RARB: variants seen among roughly 807,000 people sequenced by gnomAD.
RARB encodes HBV-activated protein.
Under a neutral mutation model 51.9 loss-of-function variants are expected in RARB, and 17 were observed. The ratio of observed to expected loss-of-function variants is 0.33; its 90% CI spans 0.22 to 0.49. The LOEUF is 0.49. Ranked by LOEUF, RARB falls within the 20% of genes least tolerant of loss-of-function variation. The pLI is 0.99. For missense variants in RARB, 369 were observed against 550.8 expected (o/e 0.67, Z 3.30); for synonymous variants, 215 against 195.4 (o/e 1.10, Z -0.84).
chr3:25,149,015 A>G (rs374492280), intron 4 of RARB, among the ~76,000 whole-genome samples: 10 of 152,166 alleles, frequency 6.6e-5, no homozygotes, highest in Non-Finnish European at 1.5e-5. Context: ...TTTTACTTTG[A>G]TATGCTAAGG....
At chr3:24,835,719 A>G (rs941836064) in intron 1 of RARB, among the ~76,000 whole-genome samples, 7 of 152,190 alleles carry the variant, frequency 4.6e-5, no homozygotes, top group Non-Finnish European at 1.0e-4. Context: ...GCCAGGTTCT[A>G]TATCTATGAA....
chr3:25,481,075 A>G, intron 2 of RARB, among the ~76,000 whole-genome samples: 1 of 152,214 alleles, frequency 6.6e-6, no homozygotes, highest in East Asian at 1.9e-4. Flanking sequence ...ATATTTCAAG[A>G]GAATTCCTCT....
intron 5 of RARB, among the ~76,000 whole-genome samples, chr3:25,249,975 T>A: frequency 1.4e-5 from 1 of 69,402 alleles, no homozygotes. Flanking sequence ...GTAACAGTGG[T>A]GGGCTCGGTG....
chr3:25,259,877 C>T, intron 5 of RARB: 1 of 979,656 alleles, frequency 1.0e-6, no homozygotes, highest in South Asian at 4.7e-5. Context: ...GAGATTTGAG[C>T]TTCTTTCCTG....
At chr3:25,481,147 A>AT (rs1696204592) in intron 2 of RARB, among the ~76,000 whole-genome samples, 1 of 152,186 alleles carries the variant, frequency 6.6e-6, no homozygotes, top group Non-Finnish European at 1.5e-5. Context: ...TTCACTACTA[A>AT]AAACCACTCA....
chr3:25,080,950 T>C (rs73141452), intron 3 of RARB, among the ~76,000 whole-genome samples: 5 of 152,070 alleles, frequency 3.3e-5, no homozygotes, highest in Non-Finnish European at 7.4e-5. Context: ...AAACTTTTGA[T>C]TTTGTTGATG....
intron 2 of RARB, among the ~76,000 whole-genome samples, chr3:24,918,744 A>G (rs770645096): frequency 7.9e-5 from 12 of 152,156 alleles, no homozygotes; most frequent in Non-Finnish European, 4.4e-5. Context: ...TATAAAAATT[A>G]GCTGGTCGTG....
intron 3 of RARB, among the ~76,000 whole-genome samples, chr3:25,533,947 C>T (rs949582362): frequency 6.6e-6 from 1 of 152,186 alleles, no homozygotes; most frequent in African/African-American, 2.4e-5. Context: ...TTGAAACTTT[C>T]AGTGCTCTTA....
chr3:24,909,602 T>C (rs1262686736), intron 2 of RARB, among the ~76,000 whole-genome samples: 1 of 151,808 alleles, frequency 6.6e-6, no homozygotes, highest in Non-Finnish European at 1.5e-5. Context: ...ATCTCCAAGA[T>C]TCAGCTTTGA....
intron 5 of RARB, among the ~76,000 whole-genome samples, chr3:25,383,732 A>G (rs955143310): frequency 7.2e-5 from 11 of 152,030 alleles, no homozygotes; most frequent in Admixed American, 2.6e-4. Flanking sequence ...GTTCACGACC[A>G]GTCTGGCCAA....
chr3:24,864,254 C>T (rs147847968), intron 2 of RARB, among the ~76,000 whole-genome samples: 69 of 152,288 alleles, frequency 4.5e-4, no homozygotes, highest in African/African-American at 1.6e-3. Flanking sequence ...TTCTGTCCTC[C>T]TCTGATGTCA....
intron 5 of RARB, among the ~76,000 whole-genome samples, chr3:25,418,856 T>C (rs999107668): frequency 2.0e-5 from 3 of 151,084 alleles, no homozygotes; most frequent in Non-Finnish European, 4.4e-5. Flanking sequence ...ATAACAGGGG[T>C]GGTCAGTTAC....
chr3:25,487,595 G>T lies in RARB; in HGVS notation c.307-13587G>T, dbSNP rs761133489. ...CAATGATTCAGATCAGTATATTTTTGGAGCTTTGAGCGGATAAAAATTAAA... is the reference window on the plus strand; with the variant it reads ...CAATGATTCAGATCAGTATATTTTTTGAGCTTTGAGCGGATAAAAATTAAA... On this transcript the variant is annotated intron_variant, in intron 2 of 7. Coordinates refer to ENST00000330688, the MANE Select transcript of RARB (RefSeq NM_000965.5). Among the ~76,000 whole-genome samples, 114 of 151,534 alleles carry T rather than the reference G, an allele frequency of 7.5e-4. 1 individual carries two copies. Among genetic ancestry groups the T allele is most frequent in the Non-Finnish European group, 2.2e-4 (15 of 67,930 alleles).
intron 3 of RARB, among the ~76,000 whole-genome samples, chr3:25,113,883 A>G (rs1699643843): frequency 6.6e-6 from 1 of 152,130 alleles, no homozygotes; most frequent in Admixed American, 6.5e-5. Flanking sequence ...GCAGAGTCCA[A>G]GAGAACATGT....
chr3:25,152,128 A>C (rs999302127), intron 4 of RARB, among the ~76,000 whole-genome samples: 3 of 152,198 alleles, frequency 2.0e-5, no homozygotes, highest in Admixed American at 6.5e-5. Flanking sequence ...TTCCCAAGTG[A>C]TTCTATAAGC....
intron 2 of RARB, among the ~76,000 whole-genome samples, chr3:25,496,607 CTATG>C (rs900789269): frequency 3.9e-5 from 6 of 152,236 alleles, no homozygotes; most frequent in African/African-American, 1.4e-4. Flanking sequence ...CCCATGTCAC[CTATG>C]TAACCTCTAA....
At chr3:25,531,403 GATA>G (rs1698910509) in intron 3 of RARB, among the ~76,000 whole-genome samples, 2 of 135,676 alleles carry the variant, frequency 1.5e-5, no homozygotes, top group Non-Finnish European at 3.3e-5. Context: ...TAGATAGATA[GATA>G]GATAGATAGA....
intron 5 of RARB, among the ~76,000 whole-genome samples, chr3:25,361,310 C>G (rs1336440721): frequency 6.6e-6 from 1 of 152,128 alleles, no homozygotes; most frequent in Non-Finnish European, 1.5e-5. Flanking sequence ...AGTTCTTGTG[C>G]TATGTTTTTC....
At chr3:25,543,094 C>T (rs1699451769) in intron 3 of RARB, among the ~76,000 whole-genome samples, 1 of 152,068 alleles carries the variant, frequency 6.6e-6, no homozygotes, top group South Asian at 2.1e-4. Context: ...CTAGTAGAGC[C>T]AGGAATGCCA....
Sources: allele counts gnomAD v4.1 joint callset (sites outside exome capture counted in the v4.1 genomes callset), GRCh38; gene constraint gnomAD v4.1.1; transcripts MANE v1.5; gene names NCBI Gene and HGNC (gene_info 2026-07-23, HGNC 2026-07-21).